Variants in SCAPER observed in about 807,000 individuals in gnomAD.
SCAPER encodes the protein S phase cyclin A-associated protein in the endoplasmic reticulum.
A neutral mutation model predicts 182.2 loss-of-function variants in SCAPER; 98 were observed. The ratio of observed to expected loss-of-function variants is 0.54; its 90% confidence interval spans 0.46 to 0.64. SCAPER has a LOEUF of 0.64. Ranked by LOEUF, SCAPER falls within the 30% of genes least tolerant of loss-of-function variation. The probability of loss-of-function intolerance (pLI) is 0.00; values close to 1 mark genes in which losing one functional copy is unlikely to be tolerated. For synonymous variants in SCAPER, 605 were observed against 564.6 expected (o/e 1.07, Z -1.01); for missense variants, 1,432 against 1,690.0 (o/e 0.85, Z 2.68).
chr15:76,721,816 G>A lies in SCAPER; in HGVS notation c.2165+6779C>T, dbSNP rs2060261365. Among the ~76,000 whole-genome samples the A allele has an allele frequency of 4.6e-5, 7 of 152,238 alleles. No homozygotes were observed. In the South Asian group the frequency reaches 1.2e-3, roughly 27 times the overall value. ...TGCTGAAGTTGCTTATCAGCTTAAG[G>A]AGATTTTGGGCTGAGACGATGGGGT... On this transcript the variant is annotated intron_variant, in intron 17 of 31. Coordinates refer to ENST00000563290, the MANE Select transcript of SCAPER (RefSeq NM_020843.4).
intron 20 of SCAPER, among the ~76,000 whole-genome samples, chr15:76,694,342 T>C (rs1400429897): frequency 6.6e-6 from 1 of 152,158 alleles, no homozygotes; most frequent in Non-Finnish European, 1.5e-5. Flanking sequence ...ATTCTACTTT[T>C]TGATGTGATT....
chr15:76,351,368 T>G (rs1364442579), intron 30 of SCAPER, 80 bp from the exon 31 acceptor site: 12 of 1,268,630 alleles, frequency 9.5e-6, no homozygotes, highest in Non-Finnish European at 1.2e-5. Context: ...AATATACTTC[T>G]GATTCATGCA....
At chr15:76,480,168 G>A (rs2050992061) in intron 24 of SCAPER, among the ~76,000 whole-genome samples, 1 of 152,142 alleles carries the variant, frequency 6.6e-6, no homozygotes, top group Non-Finnish European at 1.5e-5. Context: ...GTTAGGAAAG[G>A]GAGAGACAAA....
chr15:76,879,404 A>C (rs1568395164), intron 2 of SCAPER, among the ~76,000 whole-genome samples: 2 of 152,188 alleles, frequency 1.3e-5, no homozygotes, highest in Non-Finnish European at 2.9e-5. Context: ...TAGCCACAAC[A>C]ACTGATCCAG....
chr15:76,611,559 T>A (rs557039399), intron 22 of SCAPER, among the ~76,000 whole-genome samples: 1 of 152,228 alleles, frequency 6.6e-6, no homozygotes, highest in African/African-American at 2.4e-5. Flanking sequence ...GAGGAGGGAC[T>A]CCACCTTAAC....
At position 76,503,427 on chromosome 15, in the gene SCAPER, T is replaced by C. The variant is rs186277876; in HGVS notation, c.2954+1432A>G. On this transcript the variant is annotated intron_variant, in intron 24 of 31. Transcript: ENST00000563290. ...AAAGAATACCTATACCATTCTTCATTAATCTTTGTGAATAGAGGAAAGGAA... is the reference window on the plus strand; with the variant it reads ...AAAGAATACCTATACCATTCTTCATCAATCTTTGTGAATAGAGGAAAGGAA... Among the ~76,000 whole-genome samples the C allele has an allele frequency of 2.0e-5, 3 of 152,338 alleles. No homozygotes were observed. The East Asian group carries it at 5.8e-4, about 29-fold the overall frequency.
chr15:76,713,090 C>G (rs996213499), intron 17 of SCAPER, among the ~76,000 whole-genome samples: 50 of 152,106 alleles, frequency 3.3e-4, no homozygotes, highest in Non-Finnish European at 4.4e-4. Context: ...ATAGATAGCT[C>G]TTATTATTTT....
At chr15:76,613,106 G>A (rs186566973) in intron 22 of SCAPER, among the ~76,000 whole-genome samples, 45 of 152,256 alleles carry the variant, frequency 3.0e-4, no homozygotes, top group South Asian at 1.0e-3. Context: ...AGAGCGCCCA[G>A]AAATAAAGCC....
chr15:76,390,904 G>T (rs991710647), intron 27 of SCAPER, among the ~76,000 whole-genome samples: 1 of 152,162 alleles, frequency 6.6e-6, no homozygotes, highest in Non-Finnish European at 1.5e-5. Context: ...CCTCCTAAAT[G>T]ATCTTTCTGG....
chr15:76,429,987 A>G (rs995951488), intron 26 of SCAPER, among the ~76,000 whole-genome samples: 3 of 152,040 alleles, frequency 2.0e-5, no homozygotes, highest in Admixed American at 2.0e-4. Context: ...CAGTCTAGGG[A>G]CTTGGTACCT....
intron 23 of SCAPER, among the ~76,000 whole-genome samples, chr15:76,551,297 T>C (rs1302990345): frequency 6.6e-6 from 1 of 152,096 alleles, no homozygotes; most frequent in Non-Finnish European, 1.5e-5. Flanking sequence ...GGCCAAGATA[T>C]GGAATCAACC....
rs138623477 is a variant in SCAPER at position 76,625,014 on chromosome 15, C to T, written c.2646-3185G>A. On this transcript the variant is annotated intron_variant, in intron 21 of 31. Transcript: ENST00000563290. ...AGGCTTGCAGGTGGATGAACCCCCA[C>T]GGTGATGGCAATGACAGGTTGGGTG... Among the ~76,000 whole-genome samples, 539 of 152,258 alleles carry T rather than the reference C, an allele frequency of 3.5e-3. 5 individuals are homozygous for T. Among genetic ancestry groups the T allele is most frequent in the African/African-American group, 0.012 (512 of 41,552 alleles).
chr15:76,801,852 C>T (rs561207641), intron 6 of SCAPER, among the ~76,000 whole-genome samples: 5 of 150,060 alleles, frequency 3.3e-5, no homozygotes, highest in Middle Eastern at 7.0e-3. Context: ...GAGGTTGCAG[C>T]GAGCCAAGAT....
At chr15:76,627,391 T>G (rs1195443985) in intron 21 of SCAPER, among the ~76,000 whole-genome samples, 2 of 152,108 alleles carry the variant, frequency 1.3e-5, no homozygotes, top group Non-Finnish European at 2.9e-5. Context: ...ATCCATCACC[T>G]AGGTATTAAG....
At chr15:76,403,540 A>G (rs2044616787) in intron 27 of SCAPER, among the ~76,000 whole-genome samples, 1 of 152,238 alleles carries the variant, frequency 6.6e-6, no homozygotes, top group East Asian at 1.9e-4. Flanking sequence ...TTTAGAATAT[A>G]GTTTCCCCCT....
At chr15:76,449,872 A>G (rs2048256209) in intron 25 of SCAPER, among the ~76,000 whole-genome samples, 1 of 152,114 alleles carries the variant, frequency 6.6e-6, no homozygotes, top group Non-Finnish European at 1.5e-5. Context: ...TGCTTATGAC[A>G]CTTTGTTTTT....
chr15:76,755,526 A>G (rs1052901994), intron 14 of SCAPER, among the ~76,000 whole-genome samples: 1 of 152,208 alleles, frequency 6.6e-6, no homozygotes, highest in Non-Finnish European at 1.5e-5. Context: ...GTTCACCTGT[A>G]ATTACAATAT....
chr15:76,440,263 A>G (rs1182873545), intron 25 of SCAPER, among the ~76,000 whole-genome samples: 1 of 152,222 alleles, frequency 6.6e-6, no homozygotes, highest in Non-Finnish European at 1.5e-5. Flanking sequence ...TATAGGACCA[A>G]GCCCTGAATC....
rs775463270 is a variant in SCAPER at position 76,667,625 on chromosome 15, C to CAAAAAAAAAAAAA, written c.2509-1849_2509-1837dup. On this transcript the variant is annotated intron_variant, in intron 20 of 31. Coordinates refer to ENST00000563290, the MANE Select transcript of SCAPER (RefSeq NM_020843.4). ...GGGCAACAAGAGCGAGACTCAGTCTCAAAAAAAAAAAAAAAAAAAAAAAAA... is the reference window on the plus strand; with the variant it reads ...GGGCAACAAGAGCGAGACTCAGTCTCAAAAAAAAAAAAAAAAAAAAAAAAAAAAAAAAAAAAAA... 1.8e-4 allele frequency among the ~76,000 whole-genome samples: 5 copies of CAAAAAAAAAAAAA among 27,474 alleles called. 1 individual carries two copies. The highest frequency in any genetic ancestry group is 2.6e-4 in the Non-Finnish European group (4 of 15,342). The allele number at this position is 27,474 out of a possible 152,430, so 18.0% of individuals were successfully genotyped here. A position where few individuals can be genotyped will look rare whatever the true frequency, so the allele number is the denominator to read the frequency against.
Sources: allele counts gnomAD v4.1 joint callset (sites outside exome capture counted in the v4.1 genomes callset), GRCh38; gene constraint gnomAD v4.1.1; transcripts MANE v1.5; gene names NCBI Gene and HGNC (gene_info 2026-07-23, HGNC 2026-07-21).